AMZ1: variants seen among roughly 807,000 people sequenced by gnomAD.
The protein encoded by AMZ1 is archaemetzincin-1.
Under a neutral mutation model 29.9 loss-of-function variants are expected in AMZ1, and 39 were observed. The observed-to-expected ratio is 1.30, with a 90% CI of 1.01 to 1.70. The LOEUF is 1.70. Among genes scored for constraint, AMZ1 ranks in the 40% most tolerant of loss-of-function variants. The pLI is 0.00. For missense variants in AMZ1, 1,041 were observed against 680.6 expected, an observed-to-expected ratio of 1.53 and a Z score of -5.89; for synonymous variants, 458 against 304.0, an observed-to-expected ratio of 1.51 and a Z score of -5.27.
intron 4 of AMZ1, among the ~76,000 whole-genome samples, chr7:2,752,984 G>A (rs965669774): frequency 6.6e-6 from 1 of 152,102 alleles, no homozygotes; most frequent in Non-Finnish European, 1.5e-5. Context: ...GGTCTCCCTC[G>A]TGCTACCAAT....
intron 1 of AMZ1, among the ~76,000 whole-genome samples, chr7:2,699,592 G>C (rs192488565): frequency 6.6e-6 from 1 of 152,128 alleles, no homozygotes; most frequent in East Asian, 1.9e-4. Flanking sequence ...CTTGTAATTG[G>C]GATGAAGAGC....
intron 4 of AMZ1, among the ~76,000 whole-genome samples, chr7:2,736,535 G>A (rs1790185914): frequency 6.6e-6 from 1 of 152,220 alleles, no homozygotes; most frequent in Admixed American, 6.5e-5. Context: ...TGAAAGAGGG[G>A]TTGTCTGTTT....
chr7:2,761,624 C>G (rs979981484), upstream of AMZ1, among the ~76,000 whole-genome samples: 1 of 152,174 alleles, frequency 6.6e-6, no homozygotes, highest in African/African-American at 2.4e-5. Context: ...CGTTCCCGAA[C>G]CGGCCTCTCA....
At chr7:2,696,396 A>G (rs1359857845) in intron 1 of AMZ1, among the ~76,000 whole-genome samples, 1 of 150,812 alleles carries the variant, frequency 6.6e-6, no homozygotes, top group Admixed American at 6.6e-5. Flanking sequence ...AGCTGGGACT[A>G]CAGGCGCCCG....
chr7:2,700,563 C>A lies in AMZ1; in HGVS notation c.112C>A (p.Pro38Thr). ...GCAGCTGTATGTGTCCGCCTTCTCC[C>A]CTGCCGAGCGGCTCTTCCTGGCCGA... ...LQQLYVSAFS[P>T]AERLFLAEAY... The change falls in exon 2 of 7, where the codon CCT (proline) becomes ACT (threonine). Residue 38 changes from proline to threonine, a missense_variant. By Grantham distance (38) the Pro-to-Thr change is conservative. Coordinates refer to ENST00000683327, the MANE Select transcript of AMZ1 (RefSeq NM_001384743.1). The A allele has an allele frequency of 6.2e-7, 1 of 1,609,998 alleles. No homozygotes were observed. Among genetic ancestry groups the A allele is most frequent in the South Asian group, 1.1e-5 (1 of 91,082 alleles).
chr7:2,763,984 G>C (rs965907411), upstream of AMZ1, among the ~76,000 whole-genome samples: 5 of 152,148 alleles, frequency 3.3e-5, no homozygotes, highest in African/African-American at 1.2e-4. Context: ...ATGAGAACAG[G>C]GTACGCACCT....
intron 4 of AMZ1, among the ~76,000 whole-genome samples, chr7:2,755,944 T>C (rs1255242948): frequency 6.6e-6 from 1 of 151,980 alleles, no homozygotes. Context: ...CCAGCAGGCA[T>C]TTTTTTTGGT....
chr7:2,728,478 G>A (rs11552942), intron 4 of AMZ1: 1 of 152,090 alleles, frequency 6.6e-6, no homozygotes, highest in African/African-American at 2.4e-5. Context: ...ATTTCTCTAC[G>A]AACATAAGAG....
At chr7:2,712,266 G>A in intron 6 of AMZ1, 64 bp from the exon 7 acceptor site, 2 of 1,472,902 alleles carry the variant, frequency 1.4e-6, no homozygotes, top group East Asian at 2.4e-5. Flanking sequence ...GAGGTCTCCT[G>A]GCAGTTCCCT....
intron 1 of AMZ1, among the ~76,000 whole-genome samples, chr7:2,693,482 A>C (rs1787527483): frequency 6.6e-6 from 1 of 151,538 alleles, no homozygotes; most frequent in Non-Finnish European, 1.5e-5. Context: ...TGGGCTGGAG[A>C]CTTCCTCCGA....
intron 6 of AMZ1, among the ~76,000 whole-genome samples, chr7:2,711,406 G>C (rs7803527): frequency 0.78 from 118,358 of 152,180 alleles, 46,606 homozygotes; most frequent in African/African-American, 0.91. Flanking sequence ...ACAGTCTCAC[G>C]ATGGCTGATG....
chr7:2,731,543 T>C lies in AMZ1; in HGVS notation n.550+21727T>C, dbSNP rs1371708745. On this transcript the variant is annotated intron_variant and non_coding_transcript_variant, in intron 4 of 4. Transcript: ENST00000489665. The surrounding 1 kb of genome is among the most constrained non-coding windows in gnomAD (Gnocchi z 6.0). ...AGCCGGTTGGTGCGCCTGTCCTCCA[T>C]GAGGACCTGGTCGTACTCGCTGGAG... is the stretch of plus-strand genomic sequence containing the variant. 4 of 1,611,268 alleles carry C rather than the reference T, an allele frequency of 2.5e-6. No individual in the cohort carries two copies. Among genetic ancestry groups the C allele is most frequent in the South Asian group, 1.1e-5 (1 of 90,904 alleles).
At chr7:2,706,912 G>A (rs1459847728) in intron 3 of AMZ1, among the ~76,000 whole-genome samples, 1 of 147,846 alleles carries the variant, frequency 6.8e-6, no homozygotes, top group Non-Finnish European at 1.5e-5. Context: ...TTGAGCCCAG[G>A]AGGTGGAGAC....
chr7:2,692,434 C>T (rs559722225), intron 1 of AMZ1, among the ~76,000 whole-genome samples: 3 of 152,184 alleles, frequency 2.0e-5, no homozygotes, highest in South Asian at 2.1e-4. Context: ...CCCAGCTATT[C>T]GGGAGGCTGA....
chr7:2,695,150 C>T (rs963867227), intron 1 of AMZ1, among the ~76,000 whole-genome samples: 35 of 152,216 alleles, frequency 2.3e-4, no homozygotes, highest in African/African-American at 3.6e-4. Flanking sequence ...TTGCCCACTA[C>T]GGCCCTTTCC....
chr7:2,697,671 C>T (rs1003070268), intron 1 of AMZ1, among the ~76,000 whole-genome samples: 8 of 151,842 alleles, frequency 5.3e-5, no homozygotes, highest in South Asian at 2.1e-4. Flanking sequence ...GTGATCCACC[C>T]GCCTCAGCCT....
intron 3 of AMZ1, among the ~76,000 whole-genome samples, chr7:2,705,548 G>A (rs1047922035): frequency 3.9e-5 from 6 of 152,132 alleles, no homozygotes; most frequent in Non-Finnish European, 8.8e-5. Flanking sequence ...CCTCCCCATC[G>A]TGGGTGTTGG....
Position 2,746,460 on chromosome 7 carries a change from T to C in AMZ1, n.551-18252T>C, listed in dbSNP as rs1421798118. On this transcript the variant is annotated intron_variant and non_coding_transcript_variant, in intron 4 of 4. Transcript: ENST00000489665. ...ATGAAGGCAGAAATAAAGATGTTCT[T>C]TGAAACCAACGAGAACAAAGACACA... is the stretch of plus-strand genomic sequence containing the variant. 2.0e-5 allele frequency among the ~76,000 whole-genome samples: 3 copies of C among 152,278 alleles called. No individual in the cohort carries two copies. The East Asian group carries it at 5.8e-4, about 29-fold the overall frequency.
At chr7:2,732,508 T>C (rs942492874) in intron 4 of AMZ1, among the ~76,000 whole-genome samples, 1 of 152,186 alleles carries the variant, frequency 6.6e-6, no homozygotes, top group Non-Finnish European at 1.5e-5. Flanking sequence ...ATCGTGCCAC[T>C]GTACTCCAGC....
Sources: allele counts gnomAD v4.1 joint callset (sites outside exome capture counted in the v4.1 genomes callset), GRCh38; gene constraint gnomAD v4.1.1; non-coding constraint Gnocchi (gnomAD v3.1); transcripts MANE v1.5; gene names NCBI Gene and HGNC (gene_info 2026-07-23, HGNC 2026-07-21).